The following EIF2B3 variants were observed in gnomAD, a reference collection of about 807,000 sequenced individuals.
EIF2B3 encodes eukaryotic translation initiation factor 2B subunit gamma.
In EIF2B3, 20 loss-of-function variants were observed where a neutral mutation model predicts 54.1. That is an observed-to-expected ratio of 0.37 (90% CI 0.26 to 0.54). The LOEUF (loss-of-function observed/expected upper bound fraction) is 0.54. Among genes scored for constraint, EIF2B3 ranks in the 20% least tolerant of loss-of-function variants. The pLI is 0.86. For missense variants in EIF2B3, 448 were observed against 547.8 expected, an observed-to-expected ratio of 0.82 and a Z score of 1.82; for synonymous variants, 153 against 188.1, an observed-to-expected ratio of 0.81 and a Z score of 1.52.
chr1:44,890,523 A>G (rs1477289066), intron 6 of EIF2B3, among the ~76,000 whole-genome samples: 3 of 152,214 alleles, frequency 2.0e-5, no homozygotes, highest in Non-Finnish European at 2.9e-5. Flanking sequence ...AAAAATGTTA[A>G]AGATTATTGG....
chr1:44,945,420 G>A (rs1320746528), intron 3 of EIF2B3, among the ~76,000 whole-genome samples: 1 of 152,062 alleles, frequency 6.6e-6, no homozygotes, highest in East Asian at 1.9e-4. Flanking sequence ...AGGGCGTGGT[G>A]GCAGGCGCCT....
At chr1:44,945,148 G>C (rs1250447156) in intron 3 of EIF2B3, among the ~76,000 whole-genome samples, 1 of 151,826 alleles carries the variant, frequency 6.6e-6, no homozygotes, top group East Asian at 1.9e-4. Context: ...TTTATAGCCT[G>C]AACAATTTCT....
chr1:44,974,467 C>G (rs1434360841), intron 3 of EIF2B3, among the ~76,000 whole-genome samples: 1 of 147,500 alleles, frequency 6.8e-6, no homozygotes, highest in African/African-American at 2.5e-5. Context: ...AAGTAAGACC[C>G]TGGTCTAAAA....
chr1:44,931,408 A>C (rs962086174), intron 4 of EIF2B3, among the ~76,000 whole-genome samples: 16 of 152,232 alleles, frequency 1.1e-4, no homozygotes, highest in African/African-American at 3.9e-4. Context: ...TCATGCCTGG[A>C]TTCTTGGCCC....
At chr1:44,942,767 C>T (rs1353715773) in intron 3 of EIF2B3, among the ~76,000 whole-genome samples, 4 of 151,778 alleles carry the variant, frequency 2.6e-5, no homozygotes, top group African/African-American at 9.7e-5. Context: ...TAAAAACTAA[C>T]AATGATAACT....
intron 3 of EIF2B3, among the ~76,000 whole-genome samples, chr1:44,961,112 G>A (rs1013451529): frequency 6.6e-6 from 1 of 151,740 alleles, no homozygotes; most frequent in African/African-American, 2.4e-5. Context: ...GAGGCAGGAG[G>A]ATTGCTTGAG....
intron 7 of EIF2B3, 74 bp from the exon 8 acceptor site, chr1:44,880,082 GT>G (rs905685207): frequency 3.3e-6 from 5 of 1,528,452 alleles, no homozygotes; most frequent in East Asian, 2.3e-5. Flanking sequence ...CAGTCAAGTT[GT>G]TTTTTTGTTT....
At chr1:44,875,567 C>T (rs771144773) in intron 9 of EIF2B3, 51 bp downstream of exon 9, 3 of 1,569,766 alleles carry the variant, frequency 1.9e-6, no homozygotes, top group East Asian at 2.2e-5. Context: ...AAACAAGTCT[C>T]GATGCTCCCA....
intron 3 of EIF2B3, among the ~76,000 whole-genome samples, chr1:44,950,725 A>G (rs905701241): frequency 2.8e-4 from 42 of 152,170 alleles, no homozygotes; most frequent in East Asian, 7.7e-4. Context: ...GTCTTGCTCT[A>G]TCGCCCAGAC....
intron 3 of EIF2B3, among the ~76,000 whole-genome samples, chr1:44,958,212 C>G (rs1012789663): frequency 2.6e-5 from 4 of 152,120 alleles, no homozygotes; most frequent in Non-Finnish European, 4.4e-5. Flanking sequence ...CCCTGAAAAT[C>G]AAATGGGCTT....
chr1:44,875,583 C>G, intron 9 of EIF2B3, 35 bp downstream of exon 9: 1 of 1,603,454 alleles, frequency 6.2e-7, no homozygotes, highest in Non-Finnish European at 8.5e-7. Context: ...TCCCAAAGAA[C>G]ATCTCATGCC....
chr1:44,883,082 C>T (rs148165684), intron 6 of EIF2B3, among the ~76,000 whole-genome samples: 1,856 of 151,276 alleles, frequency 0.012, 39 homozygotes, highest in African/African-American at 0.043. Flanking sequence ...GCGCCGGCCA[C>T]CATGCCTGGC....
chr1:44,879,712 G>A (rs760558562), intron 8 of EIF2B3, 106 bp downstream of exon 8: 13 of 1,319,140 alleles, frequency 9.9e-6, no homozygotes, highest in Non-Finnish European at 1.4e-5. Flanking sequence ...CCTTGGGAAT[G>A]ACAGGGATTC....
intron 10 of EIF2B3, among the ~76,000 whole-genome samples, chr1:44,869,269 G>C (rs1654879748): frequency 6.6e-6 from 1 of 152,104 alleles, no homozygotes; most frequent in Non-Finnish European, 1.5e-5. Flanking sequence ...CTTGAGGTCA[G>C]GAGTTCGTAA....
chr1:44,980,950 C>T (rs960863640), intron 2 of EIF2B3, 71 bp downstream of exon 2: 39 of 1,585,580 alleles, frequency 2.5e-5, no homozygotes, highest in East Asian at 1.8e-4. Context: ...ATTCTCATAA[C>T]GCTGACAAAT....
intron 3 of EIF2B3, among the ~76,000 whole-genome samples, chr1:44,974,508 G>A (rs1411956673): frequency 7.3e-5 from 11 of 151,494 alleles, no homozygotes; most frequent in Admixed American, 5.9e-4. Flanking sequence ...GAAATTAGCC[G>A]GGCATGGTGG....
At chr1:44,871,102 G>T (rs1654951718) in intron 10 of EIF2B3, among the ~76,000 whole-genome samples, 1 of 152,200 alleles carries the variant, frequency 6.6e-6, no homozygotes, top group South Asian at 2.1e-4. Flanking sequence ...CTCCCAGCCT[G>T]CCAATCTTGC....
At chr1:44,859,057 G>A (rs1401026151) in intron 10 of EIF2B3, among the ~76,000 whole-genome samples, 8 of 152,168 alleles carry the variant, frequency 5.3e-5, no homozygotes, top group Admixed American at 5.2e-4. Context: ...CCAGCACTTT[G>A]GGAGGCCGAG....
rs913591184 is a variant in EIF2B3 at position 44,874,773 on chromosome 1, G to A, written c.1107C>T (p.Ser369=). 6 of 1,614,002 alleles carry A rather than the reference G, an allele frequency of 3.7e-6. No individual in the cohort carries two copies. In the African/African-American group the frequency reaches 8.0e-5, roughly 22 times the overall value. The change falls in exon 10 of 12, where the codon TCC becomes TCT. Residue 369 remains serine (S), a synonymous_variant. Coordinates refer to ENST00000360403, the MANE Select transcript of EIF2B3 (RefSeq NM_020365.5). ...ATGAGCCAATGACTGAGCGCTTAAT[G>A]GATGACTTCTCTCCAATCTGTGTCT... ...GPETQIGEKS[S]IKRSVIGSSC...
Sources: gnomAD v4.1 joint callset for allele counts (sites outside exome capture counted in the v4.1 genomes callset) on GRCh38, gnomAD v4.1.1 for gene constraint, MANE v1.5 for transcripts, NCBI Gene and HGNC (gene_info 2026-07-23, HGNC 2026-07-21) for gene names.